The following RAB40C variants were observed in gnomAD, a reference collection of about 807,000 sequenced individuals.
The protein encoded by RAB40C is ras-related protein Rab-40C.
In RAB40C, 8 loss-of-function variants were observed where a neutral mutation model predicts 28.1. The ratio of observed to expected loss-of-function variants is 0.28; its 90% CI spans 0.17 to 0.51. RAB40C has a LOEUF of 0.51. RAB40C is among the 20% of genes least tolerant of loss of function. RAB40C has a pLI of 0.97. For synonymous variants in RAB40C, 201 were observed against 171.7 expected (o/e 1.17, Z -1.34); for missense variants, 288 against 405.9 (o/e 0.71, Z 2.50).
At chr16:593,093 G>T (rs1333595971) in intron 1 of RAB40C, among the ~76,000 whole-genome samples, 1 of 152,240 alleles carries the variant, frequency 6.6e-6, no homozygotes, top group East Asian at 1.9e-4. Flanking sequence ...GAGCAGAGAA[G>T]GAAGCGCCTC....
chr16:625,083 G>A, intron 3 of RAB40C: 1 of 1,292,218 alleles, frequency 7.7e-7, no homozygotes. Flanking sequence ...GACTGGCCGA[G>A]AGGACACTTA....
chr16:617,079 G>T lies in RAB40C; in HGVS notation c.143-129G>T, dbSNP rs925841508. 5.3e-6 allele frequency: 5 copies of T among 950,808 alleles called. No homozygotes were observed. In the East Asian group the frequency reaches 1.2e-4, roughly 23 times the overall value. The allele number at this position is 950,808 out of a possible 1,614,324, so 58.9% of individuals were successfully genotyped here. ...GAGATTTCCCCCTGCCCCACTGGCT[G>T]AGTGTGGGGGAGCTGCTTCTCCACT... On this transcript the variant is annotated intron_variant, in intron 1 of 5. Transcript: ENST00000248139.
At position 627,301 on chromosome 16, in the gene RAB40C, C is replaced by A. The variant is rs778009841; in HGVS notation, c.566-41C>A. 4 of 1,576,472 alleles carry A rather than the reference C, an allele frequency of 2.5e-6. No homozygotes were observed. The African/African-American group carries it at 4.0e-5, about 16-fold the overall frequency. Reference sequence around the variant, plus strand: ...CAGGTCTCCCTGCACAGGGCCTCCTCCCCCACAGCCCCATGGTCTGACACC... The same window carrying A: ...CAGGTCTCCCTGCACAGGGCCTCCTACCCCACAGCCCCATGGTCTGACACC... On this transcript the variant is annotated intron_variant, in intron 5 of 5. Transcript: ENST00000248139.
chr16:590,867 C>T (rs1039412523), intron 1 of RAB40C, among the ~76,000 whole-genome samples: 4 of 143,662 alleles, frequency 2.8e-5, no homozygotes, highest in Non-Finnish European at 6.1e-5. Context: ...TGTCGTGGGC[C>T]GGAGGGAAGG....
chr16:608,417 C>T (rs1023800445), intron 1 of RAB40C, among the ~76,000 whole-genome samples: 1 of 152,214 alleles, frequency 6.6e-6, no homozygotes, highest in Admixed American at 6.5e-5. Flanking sequence ...GCTCCCACCT[C>T]GTCCTCTGTC....
chr16:627,327 C>T lies in RAB40C; in HGVS notation c.566-15C>T, dbSNP rs770143530. 3 of 1,607,642 alleles carry T rather than the reference C, an allele frequency of 1.9e-6. No homozygotes were observed. ...CCCCACAGCCCCATGGTCTGACACCCCCTCTGCCCCACAGTGTTCAGCCTG... is the reference window on the plus strand; with the variant it reads ...CCCCACAGCCCCATGGTCTGACACCTCCTCTGCCCCACAGTGTTCAGCCTG... On this transcript the variant is annotated splice_polypyrimidine_tract_variant and intron_variant, in intron 5 of 5. Coordinates refer to ENST00000248139, the MANE Select transcript of RAB40C (RefSeq NM_021168.5).
At chr16:605,805 T>C (rs984332973) in intron 1 of RAB40C, among the ~76,000 whole-genome samples, 3 of 152,178 alleles carry the variant, frequency 2.0e-5, no homozygotes, top group Non-Finnish European at 2.9e-5. Context: ...TGGGACGTAC[T>C]GAGGAGTGGA....
chr16:619,995 G>A (rs73485439), intron 3 of RAB40C, among the ~76,000 whole-genome samples: 2,143 of 152,326 alleles, frequency 0.014, 69 homozygotes, highest in African/African-American at 0.05. Context: ...TGCAGGCTCC[G>A]TGCCATCCCT....
At chr16:594,368 C>T (rs546103413) in intron 1 of RAB40C, among the ~76,000 whole-genome samples, 2 of 152,222 alleles carry the variant, frequency 1.3e-5, no homozygotes, top group South Asian at 2.1e-4. Context: ...GTGGACATGG[C>T]GAGGCTAACA....
chr16:627,768 T>C lies in RAB40C; in HGVS notation c.*146T>C. 9.3e-7 allele frequency: 1 copy of C among 1,079,380 alleles called. No homozygotes were observed. Among genetic ancestry groups the C allele is most frequent in the Non-Finnish European group, 1.3e-6 (1 of 787,800 alleles). The allele number at this position is 1,079,380 out of a possible 1,614,324, so 66.9% of individuals were successfully genotyped here. ...GGGCTTTCCTCACACCTGAGCCGGG[T>C]GCGAGGAGGAGCATGCACGGACCAA... On this transcript the variant is annotated 3_prime_UTR_variant, in exon 6 of 6. Transcript: ENST00000248139.
At chr16:593,126 G>T (rs1181191629) in intron 1 of RAB40C, among the ~76,000 whole-genome samples, 1 of 152,260 alleles carries the variant, frequency 6.6e-6, no homozygotes, top group East Asian at 1.9e-4. Context: ...CGCGCTTTCT[G>T]TGTCTAAGGT....
chr16:607,914 C>T (rs546348575), intron 1 of RAB40C, among the ~76,000 whole-genome samples: 2 of 152,234 alleles, frequency 1.3e-5, no homozygotes, highest in South Asian at 2.1e-4. Context: ...CCCCTTCCTC[C>T]CCCTCCACTG....
intron 3 of RAB40C, 95 bp from the exon 4 acceptor site, chr16:625,337 G>A: frequency 6.5e-7 from 1 of 1,543,232 alleles, no homozygotes; most frequent in South Asian, 1.2e-5. Context: ...CCTTGGCCCT[G>A]CCCGGGAACT....
At chr16:600,233 G>A (rs1289210615) in intron 1 of RAB40C, among the ~76,000 whole-genome samples, 1 of 152,244 alleles carries the variant, frequency 6.6e-6, no homozygotes, top group African/African-American at 2.4e-5. Flanking sequence ...AGCAGATGTG[G>A]GTCCTGCCTG....
intron 1 of RAB40C, among the ~76,000 whole-genome samples, chr16:590,684 G>A (rs2035973968): frequency 6.6e-6 from 1 of 152,246 alleles, no homozygotes; most frequent in African/African-American, 2.4e-5. Flanking sequence ...CCCGGGGTCT[G>A]GGGGACGGTG....
chr16:625,513 G>C lies in RAB40C; in HGVS notation c.342+4G>C. 6.2e-7 allele frequency: 1 copy of C among 1,613,160 alleles called. No homozygotes were observed. The highest frequency in any genetic ancestry group is 1.1e-5 in the South Asian group (1 of 91,076). On this transcript the variant is annotated splice_donor_region_variant and intron_variant, in intron 4 of 5. Coordinates refer to ENST00000248139, the MANE Select transcript of RAB40C (RefSeq NM_021168.5). ...CTGGATCAAGGAGATCGATGAGGTA[G>C]GCCTGGGTCCGGGGAGCCCTCCCGG...
intron 1 of RAB40C, among the ~76,000 whole-genome samples, chr16:594,812 G>T (rs956281936): frequency 6.8e-6 from 1 of 146,916 alleles, no homozygotes; most frequent in African/African-American, 2.5e-5. Flanking sequence ...GGTTTTGCTC[G>T]TCTTCCTTTT....
At chr16:601,015 T>C (rs2036238395) in intron 1 of RAB40C, among the ~76,000 whole-genome samples, 1 of 152,214 alleles carries the variant, frequency 6.6e-6, no homozygotes, top group Non-Finnish European at 1.5e-5. Flanking sequence ...TCTGTCTGCC[T>C]CTGCATTTAG....
At chr16:621,340 C>G (rs544829892) in intron 3 of RAB40C, among the ~76,000 whole-genome samples, 108 of 152,354 alleles carry the variant, frequency 7.1e-4, no homozygotes, top group African/African-American at 2.2e-3. Flanking sequence ...GGGTTTCTCC[C>G]GCCGCCCCTG....
Sources: allele counts gnomAD v4.1 joint callset (sites outside exome capture counted in the v4.1 genomes callset), GRCh38; gene constraint gnomAD v4.1.1; transcripts MANE v1.5; gene names NCBI Gene and HGNC (gene_info 2026-07-23, HGNC 2026-07-21).